CADM2: variants seen among roughly 807,000 people sequenced by gnomAD.
CADM2 encodes the protein immunoglobulin superfamily member 4D.
CADM2 carries 12 observed loss-of-function variants against 49.8 expected under a neutral mutation model. The observed-to-expected ratio is 0.24, with a 90% confidence interval of 0.15 to 0.39. The LOEUF (loss-of-function observed/expected upper bound fraction) is 0.39. Ranked by LOEUF, CADM2 falls within the 10% of genes least tolerant of loss-of-function variation. The pLI, the probability that CADM2 is intolerant of heterozygous loss-of-function variation, is 1.00. For synonymous variants in CADM2, 214 were observed against 175.4 expected (o/e 1.22, Z -1.74); for missense variants, 378 against 492.3 (o/e 0.77, Z 2.20).
chr3:85,639,696 T>C (rs2064645617), intron 1 of CADM2, among the ~76,000 whole-genome samples: 1 of 152,200 alleles, frequency 6.6e-6, no homozygotes, highest in South Asian at 2.1e-4. Context: ...TTGTATGATG[T>C]ATTTGGAGAA....
intron 1 of CADM2, among the ~76,000 whole-genome samples, chr3:85,562,637 C>G (rs2062130056): frequency 6.6e-6 from 1 of 152,062 alleles, no homozygotes. Flanking sequence ...TTATATAGCC[C>G]AATGTAAAAT....
At chr3:85,907,277 A>G (rs1716929881) in intron 5 of CADM2, among the ~76,000 whole-genome samples, 1 of 152,176 alleles carries the variant, frequency 6.6e-6, no homozygotes. Context: ...CTATCATGTT[A>G]TCCATCAAAA....
intron 1 of CADM2, among the ~76,000 whole-genome samples, chr3:85,667,950 T>C (rs2065620935): frequency 6.6e-6 from 1 of 152,008 alleles, no homozygotes; most frequent in Non-Finnish European, 1.5e-5. Context: ...AAATGCCAGC[T>C]CTTACTATCT....
chr3:86,031,350 A>C (rs957031008), intron 8 of CADM2, among the ~76,000 whole-genome samples: 3 of 151,820 alleles, frequency 2.0e-5, no homozygotes, highest in African/African-American at 7.2e-5. Flanking sequence ...ATAAACATTA[A>C]GATATGAACC....
intron 1 of CADM2, among the ~76,000 whole-genome samples, chr3:85,097,540 G>A (rs985340803): frequency 6.6e-6 from 1 of 152,168 alleles, no homozygotes; most frequent in African/African-American, 2.4e-5. Flanking sequence ...GGGTCAAATG[G>A]TATTTCTAGT....
chr3:85,946,687 C>T (rs1044781153), intron 7 of CADM2, among the ~76,000 whole-genome samples: 1 of 151,990 alleles, frequency 6.6e-6, no homozygotes, highest in Non-Finnish European at 1.5e-5. Context: ...CAAAAACAAG[C>T]AATGGGGAAA....
At chr3:86,041,795 C>T (rs1735979423) in intron 8 of CADM2, among the ~76,000 whole-genome samples, 1 of 152,142 alleles carries the variant, frequency 6.6e-6, no homozygotes, top group Non-Finnish European at 1.5e-5. Flanking sequence ...CAGCACCACA[C>T]CACACCTATT....
At chr3:85,510,085 G>T (rs779533830) in intron 1 of CADM2, among the ~76,000 whole-genome samples, 3 of 151,782 alleles carry the variant, frequency 2.0e-5, no homozygotes, top group African/African-American at 4.8e-5. Flanking sequence ...AGAAAGAAAA[G>T]AAATACTTAT....
intron 1 of CADM2, among the ~76,000 whole-genome samples, chr3:85,010,743 T>A (rs1338619484): frequency 6.6e-6 from 1 of 151,596 alleles, no homozygotes; most frequent in East Asian, 1.9e-4. Flanking sequence ...CTCCTAAATG[T>A]ACTAGCTAAT....
chr3:85,294,938 A>G (rs1041063321), intron 1 of CADM2, among the ~76,000 whole-genome samples: 1 of 152,210 alleles, frequency 6.6e-6, no homozygotes, highest in African/African-American at 2.4e-5. Flanking sequence ...AAATTGACAA[A>G]TGGGATCAAA....
intron 1 of CADM2, among the ~76,000 whole-genome samples, chr3:85,046,138 A>G (rs993825019): frequency 1.3e-5 from 2 of 152,106 alleles, no homozygotes; most frequent in Admixed American, 1.3e-4. Context: ...AGGAAGTTTA[A>G]TAATTCTGAC....
intron 8 of CADM2, among the ~76,000 whole-genome samples, chr3:86,036,425 A>C (rs902401052): frequency 1.3e-5 from 2 of 151,370 alleles, no homozygotes; most frequent in Non-Finnish European, 2.9e-5. Flanking sequence ...TGACCTTCCT[A>C]CTCCCCCTTG....
At chr3:85,448,053 C>G (rs768713367) in intron 1 of CADM2, among the ~76,000 whole-genome samples, 2 of 152,094 alleles carry the variant, frequency 1.3e-5, no homozygotes, top group Non-Finnish European at 2.9e-5. Context: ...GCAAATAGGC[C>G]GGCCGCTGTG....
intron 1 of CADM2, among the ~76,000 whole-genome samples, chr3:85,456,606 G>A (rs545497754): frequency 7.9e-5 from 12 of 151,964 alleles, no homozygotes; most frequent in African/African-American, 2.7e-4. Flanking sequence ...TACTTCTCTT[G>A]AACCTTTTCT....
intron 1 of CADM2, among the ~76,000 whole-genome samples, chr3:85,677,277 G>A (rs1021052114): frequency 1.3e-5 from 2 of 151,928 alleles, no homozygotes; most frequent in African/African-American, 4.8e-5. Context: ...TATATTTTTA[G>A]CTTCATTTAA....
At chr3:85,349,249 A>G (rs1315446935) in intron 1 of CADM2, among the ~76,000 whole-genome samples, 2 of 152,222 alleles carry the variant, frequency 1.3e-5, no homozygotes, top group African/African-American at 4.8e-5. Context: ...AGGTTTAACC[A>G]TAAGTGAAAG....
At chr3:85,951,960 C>G (rs1018848123) in intron 7 of CADM2, among the ~76,000 whole-genome samples, 2 of 150,680 alleles carry the variant, frequency 1.3e-5, no homozygotes, top group African/African-American at 4.9e-5. Context: ...GGGAAGTGAA[C>G]GGGAGAGGGC....
intron 1 of CADM2, among the ~76,000 whole-genome samples, chr3:85,131,315 A>G (rs2107609765): frequency 6.6e-6 from 1 of 152,358 alleles, no homozygotes. Context: ...AAAGTGATTG[A>G]CAGATAGATA....
intron 1 of CADM2, among the ~76,000 whole-genome samples, chr3:85,365,112 A>G (rs1489683444): frequency 6.7e-6 from 1 of 148,318 alleles, no homozygotes; most frequent in Admixed American, 6.8e-5. Context: ...AATATTTTGT[A>G]TGATGAAGGT....
Sources: allele counts gnomAD v4.1 joint callset (sites outside exome capture counted in the v4.1 genomes callset), GRCh38; gene constraint gnomAD v4.1.1; transcripts MANE v1.5; gene names NCBI Gene and HGNC (gene_info 2026-07-23, HGNC 2026-07-21).